PRR5: variants seen among roughly 807,000 people sequenced by gnomAD.
PRR5 encodes the protein proline rich 5.
A neutral mutation model predicts 30.6 loss-of-function variants in PRR5; 25 were observed. The observed-to-expected ratio is 0.82, with a 90% CI of 0.60 to 1.14. PRR5 has a LOEUF of 1.14. PRR5 is among the 50% of genes most tolerant of loss of function. PRR5 has a pLI of 0.00. For missense variants in PRR5, 600 were observed against 547.1 expected (o/e 1.10, Z -0.96); for synonymous variants, 286 against 247.1 (o/e 1.16, Z -1.48).
intron 1 of PRR5, among the ~76,000 whole-genome samples, chr22:44,682,761 C>T (rs1924412442): frequency 6.6e-6 from 1 of 152,282 alleles, no homozygotes; most frequent in South Asian, 2.1e-4. Flanking sequence ...GCTGCTAAGC[C>T]ATGTTATAAT....
At chr22:44,688,983 G>T (rs1925004834) in intron 1 of PRR5, among the ~76,000 whole-genome samples, 1 of 152,120 alleles carries the variant, frequency 6.6e-6, no homozygotes, top group Non-Finnish European at 1.5e-5. Context: ...TATCTTATGT[G>T]TTATAATATA....
At chr22:44,727,145 C>T (rs1050080592) in intron 4 of PRR5, among the ~76,000 whole-genome samples, 1 of 150,314 alleles carries the variant, frequency 6.7e-6, no homozygotes, top group Non-Finnish European at 1.5e-5. Flanking sequence ...CCCAAGGCTA[C>T]AGTGCACATC....
chr22:44,701,198 C>A (rs535720641), upstream of PRR5, among the ~76,000 whole-genome samples: 1 of 152,176 alleles, frequency 6.6e-6, no homozygotes, highest in Non-Finnish European at 1.5e-5. Flanking sequence ...TTATATGGGG[C>A]CCTCCCAGCT....
At position 44,691,044 on chromosome 22, in the gene PRR5, G is replaced by A. The variant is rs1377296927; in HGVS notation, c.-10-11448G>A. Among the ~76,000 whole-genome samples the A allele has an allele frequency of 6.6e-6, 1 of 152,002 alleles. No homozygotes were observed. Among genetic ancestry groups the A allele is most frequent in the East Asian group, 1.9e-4 (1 of 5,158 alleles). On this transcript the variant is annotated intron_variant, in intron 1 of 8. Coordinates refer to the PRR5 transcript ENST00000006251. The surrounding 1 kb of genome is among the most constrained non-coding windows in gnomAD (Gnocchi z 4.4). Reference sequence around the variant, plus strand: ...TCCTGGGTGCCCAAGTGAACGTGCTGGCAGCCTCGGGAAGGTGGATTCCCG... The same window carrying A: ...TCCTGGGTGCCCAAGTGAACGTGCTAGCAGCCTCGGGAAGGTGGATTCCCG...
chr22:44,723,232 C>T (rs1930207884), intron 2 of PRR5, among the ~76,000 whole-genome samples: 1 of 151,990 alleles, frequency 6.6e-6, no homozygotes, highest in Admixed American at 6.6e-5. Context: ...GATCTGCCCA[C>T]CTTGGCCTCC....
chr22:44,730,106 C>T (rs904325015), intron 4 of PRR5: 1 of 985,318 alleles, frequency 1.0e-6, no homozygotes, highest in Non-Finnish European at 1.2e-6. Context: ...CAGGGCTGCC[C>T]CTGGCGGGGT....
chr22:44,719,428 G>A (rs990141193), intron 2 of PRR5, among the ~76,000 whole-genome samples: 5 of 152,258 alleles, frequency 3.3e-5, no homozygotes, highest in South Asian at 2.1e-4. Context: ...AGAGGGCTGC[G>A]GATTTAAGGA....
At chr22:44,725,435 C>G in intron 3 of PRR5, 143 bp downstream of exon 3, 1 of 1,100,002 alleles carries the variant, frequency 9.1e-7, no homozygotes, top group African/African-American at 1.6e-5. Context: ...CGTTCCTTAT[C>G]TAGCCACGTG....
exon 1 of PRR5, chr22:44,677,087 T>C (rs1227148383): frequency 6.6e-6 from 1 of 152,366 alleles, no homozygotes; most frequent in African/African-American, 2.4e-5. Context: ...AGGCATCCAG[T>C]GTGCTTAGTG....
At chr22:44,729,457 C>A in intron 4 of PRR5, 1 of 985,450 alleles carries the variant, frequency 1.0e-6, no homozygotes, top group South Asian at 4.7e-5. Flanking sequence ...CCTGCTACTG[C>A]CAGGCTGGAG....
chr22:44,721,943 C>T (rs748264836), intron 2 of PRR5, among the ~76,000 whole-genome samples: 9 of 152,214 alleles, frequency 5.9e-5, no homozygotes, highest in East Asian at 1.9e-4. Flanking sequence ...GTAATGCCTG[C>T]GGTAACTTTG....
At chr22:44,725,313 C>G in intron 3 of PRR5, 21 bp downstream of exon 3, 2 of 1,612,056 alleles carry the variant, frequency 1.2e-6, no homozygotes, top group South Asian at 2.2e-5. Flanking sequence ...CTTGCTCCAG[C>G]CAGGCTGGGC....
chr22:44,706,695 T>G (rs1261267849), intron 1 of PRR5, among the ~76,000 whole-genome samples: 1 of 152,046 alleles, frequency 6.6e-6, no homozygotes, highest in Non-Finnish European at 1.5e-5. Flanking sequence ...CTAATTTTTT[T>G]TTTTGTATTT....
Position 44,691,443 on chromosome 22 carries a change from C to T in PRR5, c.-10-11049C>T, listed in dbSNP as rs1258273062. On this transcript the variant is annotated intron_variant, in intron 1 of 8. Transcript: ENST00000006251. This position sits in a 1 kb window ranked among gnomAD's most constrained non-coding sequence, Gnocchi z 4.4. Reference sequence around the variant, plus strand: ...GGGGACCCTGCCCTAGACTCAGTGCCCCTGGCACGCCTGGAGCTGACTCCT... The same window carrying T: ...GGGGACCCTGCCCTAGACTCAGTGCTCCTGGCACGCCTGGAGCTGACTCCT... Among the ~76,000 whole-genome samples the T allele has an allele frequency of 6.6e-6, 1 of 152,152 alleles. No individual in the cohort carries two copies.
At position 44,735,035 on chromosome 22, in the gene PRR5, T is replaced by C; in HGVS notation, c.564T>C (p.His188=). ...VQMLLVLQGV[H]ESRGVTEDYL... Reference sequence around the variant, plus strand: ...GCCCCACTCTCCTGCAGGGGGTACATGAGTCCAGGGGCGTGACTGAGGACT... The same window carrying C: ...GCCCCACTCTCCTGCAGGGGGTACACGAGTCCAGGGGCGTGACTGAGGACT... The change falls in exon 7 of 8, where the codon CAT becomes CAC. Residue 188 remains histidine (H), a synonymous_variant. Transcript: ENST00000336985. The C allele has an allele frequency of 3.7e-6, 6 of 1,612,128 alleles. No individual in the cohort carries two copies. The highest frequency in any genetic ancestry group is 5.1e-6 in the Non-Finnish European group (6 of 1,179,120).
At chr22:44,723,579 G>C (rs1930260705) in intron 2 of PRR5, among the ~76,000 whole-genome samples, 1 of 152,084 alleles carries the variant, frequency 6.6e-6, no homozygotes, top group Non-Finnish European at 1.5e-5. Context: ...AATTAGCTGG[G>C]CGTGATGGTA....
At chr22:44,730,174 G>A (rs1015107828) in intron 4 of PRR5, 22 of 985,196 alleles carry the variant, frequency 2.2e-5, no homozygotes, top group African/African-American at 1.7e-4. Context: ...AGTGGGGGCA[G>A]GGCCCAGAGA....
chr22:44,674,538 C>A (rs1368403122), upstream of PRR5, among the ~76,000 whole-genome samples: 1 of 151,618 alleles, frequency 6.6e-6, no homozygotes, highest in Non-Finnish European at 1.5e-5. Flanking sequence ...CTGGCTAACA[C>A]GGTGAAACCC....
chr22:44,670,197 C>G (rs6007236), intron 1 of PRR5, among the ~76,000 whole-genome samples: 6,396 of 152,274 alleles, frequency 0.042, 264 homozygotes, highest in African/African-American at 0.1. Flanking sequence ...CCCATCCTGG[C>G]GTCTACAACT....
Sources: allele counts gnomAD v4.1 joint callset (sites outside exome capture counted in the v4.1 genomes callset), GRCh38; gene constraint gnomAD v4.1.1; non-coding constraint Gnocchi (gnomAD v3.1); transcripts MANE v1.5; gene names NCBI Gene and HGNC (gene_info 2026-07-23, HGNC 2026-07-21).